Variants in TENM2 observed in about 807,000 individuals in gnomAD.
The protein encoded by TENM2 is teneurin-2.
In TENM2, 52 loss-of-function variants were observed where a neutral mutation model predicts 245.2. That is an observed-to-expected ratio of 0.21 (90% CI 0.17 to 0.27). TENM2 has a LOEUF of 0.27. Among genes scored for constraint, TENM2 ranks in the 10% least tolerant of loss-of-function variants. The pLI is 1.00. For missense variants in TENM2, 3,046 were observed against 3,666.8 expected, an observed-to-expected ratio of 0.83 and a Z score of 4.37; for synonymous variants, 1,363 against 1,438.9, an observed-to-expected ratio of 0.95 and a Z score of 1.19.
Position 167,777,890 on chromosome 5 carries a change from GGGATAGGGGTT to G in TENM2, c.503-98092_503-98082del, listed in dbSNP as rs1763921393. Among the ~76,000 whole-genome samples, 4 of 152,164 alleles carry G rather than the reference GGGATAGGGGTT, an allele frequency of 2.6e-5. No individual in the cohort carries two copies. In the South Asian group the frequency reaches 8.3e-4, roughly 32 times the overall value. On this transcript the variant is annotated intron_variant, in intron 2 of 28. Transcript: ENST00000518659. ...ATGTGTGTGCTTGTCCGAATTCTGTGGGATAGGGGTTGGAAAATTATAGTCCATGAGCCATC... is the reference window on the plus strand; with the variant it reads ...ATGTGTGTGCTTGTCCGAATTCTGTGGGAAAATTATAGTCCATGAGCCATC...
chr5:167,639,506 T>C (rs1053490319), intron 2 of TENM2, among the ~76,000 whole-genome samples: 98 of 152,302 alleles, frequency 6.4e-4, no homozygotes, highest in African/African-American at 2.3e-3. Context: ...ATACTGACCT[T>C]CTTCCTGCTT....
intron 2 of TENM2, among the ~76,000 whole-genome samples, chr5:167,560,889 A>G (rs1201491305): frequency 2.6e-5 from 4 of 151,198 alleles, no homozygotes; most frequent in Admixed American, 6.6e-5. Flanking sequence ...GCCTGGAGGC[A>G]TTAGATTGTC....
the TENM2 span, among the ~76,000 whole-genome samples, chr5:167,135,658 T>C: frequency 1.3e-5 from 2 of 152,012 alleles, no homozygotes; most frequent in African/African-American, 4.8e-5. Context: ...GCACCTGTAG[T>C]CCCAGCTACT....
Position 168,246,886 on chromosome 5 carries a change from A to C in TENM2, c.5947A>C (p.Ile1983Leu), listed in dbSNP as rs1341210899. 3.1e-6 allele frequency: 5 copies of C among 1,613,784 alleles called. No homozygotes were observed. The African/African-American group carries it at 4.0e-5, about 13-fold the overall frequency. ...GTCCACACACACCTCCATCGGCTAC[A>C]TCCGTAATATTTACAACCCGCCTGA... The change falls in exon 27 of 29, where the codon ATC becomes CTC. Residue 1983 changes from isoleucine to leucine, a missense_variant. By Grantham distance (5) the Ile-to-Leu change is conservative (BLOSUM62 2). Coordinates refer to ENST00000518659, the Ensembl canonical transcript of TENM2.
intron 3 of TENM2, among the ~76,000 whole-genome samples, chr5:167,895,406 C>A (rs969717075): frequency 6.6e-6 from 1 of 152,220 alleles, no homozygotes. Flanking sequence ...TGGTTCTCGT[C>A]CTTTCATTAA....
chr5:167,747,057 T>C (rs1761638610), intron 2 of TENM2, among the ~76,000 whole-genome samples: 1 of 152,142 alleles, frequency 6.6e-6, no homozygotes, highest in Admixed American at 6.5e-5. Flanking sequence ...TGAGAAGTGC[T>C]ATGAAGAAAT....
At chr5:167,488,566 T>G (rs1026826084) in intron 2 of TENM2, among the ~76,000 whole-genome samples, 4 of 152,204 alleles carry the variant, frequency 2.6e-5, no homozygotes, top group African/African-American at 7.2e-5. Flanking sequence ...TCTCCTTTGC[T>G]ATTTCTTTTC....
chr5:167,013,701 C>T, the TENM2 span, among the ~76,000 whole-genome samples: 7 of 151,938 alleles, frequency 4.6e-5, no homozygotes, highest in African/African-American at 7.2e-5. Context: ...GGCGAGACTC[C>T]GTCTCAAAAA....
At chr5:167,294,244 T>C (rs1359850434) in intron 1 of TENM2, 1 of 152,194 alleles carries the variant, frequency 6.6e-6, no homozygotes, top group East Asian at 1.9e-4. Context: ...GATAGGTAAC[T>C]GTCAACCTTT....
chr5:167,832,529 A>T (rs1445298568), intron 2 of TENM2, among the ~76,000 whole-genome samples: 2 of 152,250 alleles, frequency 1.3e-5, no homozygotes, highest in Non-Finnish European at 2.9e-5. Context: ...CACGATGTTT[A>T]TGTAAGATGT....
chr5:168,072,721 A>G (rs1791125097), intron 7 of TENM2, among the ~76,000 whole-genome samples: 1 of 152,198 alleles, frequency 6.6e-6, no homozygotes, highest in Non-Finnish European at 1.5e-5. Context: ...AATGAGGACT[A>G]TACCTCATCA....
intron 5 of TENM2, among the ~76,000 whole-genome samples, chr5:168,014,901 G>C (rs1485409036): frequency 6.6e-6 from 1 of 152,210 alleles, no homozygotes; most frequent in Non-Finnish European, 1.5e-5. Flanking sequence ...CAGTTCATGA[G>C]GCTGAAGTGC....
At chr5:167,005,807 G>A in the TENM2 span, among the ~76,000 whole-genome samples, 2 of 151,596 alleles carry the variant, frequency 1.3e-5, no homozygotes, top group African/African-American at 4.8e-5. Context: ...GATTACAGGT[G>A]TGTGCCACCA....
intron 2 of TENM2, among the ~76,000 whole-genome samples, chr5:167,629,291 G>A (rs1438158824): frequency 6.6e-6 from 1 of 152,112 alleles, no homozygotes; most frequent in African/African-American, 2.4e-5. Context: ...ACATGCCTCG[G>A]TTTTCTTTTC....
chr5:168,184,796 G>T (rs2152498138), intron 13 of TENM2, among the ~76,000 whole-genome samples: 1 of 152,254 alleles, frequency 6.6e-6, no homozygotes, highest in East Asian at 1.9e-4. Context: ...AGCGTTTAAT[G>T]GAGGCTTTGA....
chr5:167,747,983 G>A (rs1313542742), intron 2 of TENM2, among the ~76,000 whole-genome samples: 1 of 152,046 alleles, frequency 6.6e-6, no homozygotes, highest in Non-Finnish European at 1.5e-5. Context: ...CTTTAGGTAT[G>A]TGATCGTTTT....
At chr5:167,851,485 T>C (rs1020840322) in intron 2 of TENM2, among the ~76,000 whole-genome samples, 7 of 152,252 alleles carry the variant, frequency 4.6e-5, no homozygotes, top group African/African-American at 1.7e-4. Context: ...GTTATCCATA[T>C]CCTTTCTAGA....
intron 2 of TENM2, among the ~76,000 whole-genome samples, chr5:167,697,899 G>C (rs1561682570): frequency 6.6e-6 from 1 of 152,106 alleles, no homozygotes; most frequent in Non-Finnish European, 1.5e-5. Flanking sequence ...ATCCCTAGCT[G>C]TTATGCTTAG....
intron 12 of TENM2, among the ~76,000 whole-genome samples, chr5:168,158,850 T>TATATATATATATACACACAC (rs1339051385): frequency 3.2e-5 from 2 of 62,334 alleles, no homozygotes; most frequent in Non-Finnish European, 6.2e-5. Flanking sequence ...TATATATATA[T>TATATATATATATACACACAC]ACACACACAC....
Sources: allele counts gnomAD v4.1 joint callset (sites outside exome capture counted in the v4.1 genomes callset), GRCh38; gene constraint gnomAD v4.1.1; transcripts MANE v1.5; gene names NCBI Gene and HGNC (gene_info 2026-07-23, HGNC 2026-07-21).